Variants in KMT5B observed in about 807,000 individuals in gnomAD.
KMT5B encodes the protein histone-lysine N-methyltransferase KMT5B.
KMT5B carries 10 observed loss-of-function variants against 83.2 expected under a neutral mutation model. That is an observed-to-expected ratio of 0.12 (90% CI 0.07 to 0.20). KMT5B has a LOEUF of 0.20. Ranked by LOEUF, KMT5B falls within the 10% of genes least tolerant of loss-of-function variation. KMT5B has a pLI of 1.00. For synonymous variants in KMT5B, 349 were observed against 388.8 expected (o/e 0.90, Z 1.20); for missense variants, 753 against 1,067.2 (o/e 0.71, Z 4.10).
At chr11:68,183,560 T>C (rs192199176) in intron 3 of KMT5B, among the ~76,000 whole-genome samples, 241 of 152,114 alleles carry the variant, frequency 1.6e-3, no homozygotes, top group Non-Finnish European at 3.2e-3. Context: ...GGTTTCAGCA[T>C]GTTGGCCAGG....
intron 1 of KMT5B, among the ~76,000 whole-genome samples, chr11:68,207,869 T>C (rs898973590): frequency 6.7e-6 from 1 of 149,976 alleles, no homozygotes; most frequent in African/African-American, 2.5e-5. Flanking sequence ...AGACGCTGTC[T>C]CGCTCTATTG....
Position 68,202,738 on chromosome 11 carries a change from G to A in KMT5B, c.-77+10400C>T, listed in dbSNP as rs1331652735. Among the ~76,000 whole-genome samples, 9 of 151,654 alleles carry A rather than the reference G, an allele frequency of 5.9e-5. No individual in the cohort carries two copies. In the East Asian group the frequency reaches 1.2e-3, roughly 20 times the overall value. On this transcript the variant is annotated intron_variant, in intron 1 of 10. Coordinates refer to ENST00000304363, the MANE Select transcript of KMT5B (RefSeq NM_017635.5). ...TAATTTTTGTATTTTTAGTAGACACGGGGTTTCACCATGTTGGTTGGGCTG... is the reference window on the plus strand; with the variant it reads ...TAATTTTTGTATTTTTAGTAGACACAGGGTTTCACCATGTTGGTTGGGCTG...
intron 1 of KMT5B, among the ~76,000 whole-genome samples, chr11:68,209,391 G>A (rs527879316): frequency 3.9e-5 from 6 of 152,112 alleles, no homozygotes; most frequent in Admixed American, 6.6e-5. Context: ...AGTCAGGGAA[G>A]AAAACCAAAC....
intron 9 of KMT5B, among the ~76,000 whole-genome samples, chr11:68,169,028 T>TC (rs1855587922): frequency 6.6e-6 from 1 of 152,230 alleles, no homozygotes; most frequent in Non-Finnish European, 1.5e-5. Context: ...TATGAGAACT[T>TC]CAAGAATATA....
At chr11:68,178,125 C>T (rs1033478474) in intron 4 of KMT5B, among the ~76,000 whole-genome samples, 5 of 152,152 alleles carry the variant, frequency 3.3e-5, no homozygotes, top group African/African-American at 7.2e-5. Flanking sequence ...TTATCCATGC[C>T]GTTAAATGAC....
At chr11:68,174,980 T>C (rs1322723318) in intron 5 of KMT5B, 38 bp downstream of exon 5, 1 of 1,573,896 alleles carries the variant, frequency 6.4e-7, no homozygotes, top group East Asian at 2.2e-5. Flanking sequence ...ACTATTCTTA[T>C]CCAAATAGGT....
intron 1 of KMT5B, among the ~76,000 whole-genome samples, chr11:68,191,293 T>C (rs1858030974): frequency 6.6e-6 from 1 of 151,720 alleles, no homozygotes; most frequent in Admixed American, 6.6e-5. Context: ...CCAAAAGTGC[T>C]GGGATTACAG....
chr11:68,199,901 A>G (rs530614166), intron 1 of KMT5B, among the ~76,000 whole-genome samples: 1 of 152,324 alleles, frequency 6.6e-6, no homozygotes, highest in African/African-American at 2.4e-5. Flanking sequence ...CTGCAAATGA[A>G]GAATGGAATT....
At chr11:68,169,555 C>T (rs1300459437) in intron 9 of KMT5B, among the ~76,000 whole-genome samples, 1 of 152,236 alleles carries the variant, frequency 6.6e-6, no homozygotes, top group Admixed American at 6.5e-5. Flanking sequence ...TGCTATTCTA[C>T]ATGCTTTACA....
Position 68,173,825 on chromosome 11 carries a change from T to C in KMT5B, c.632A>G (p.Lys211Arg). ...NRYSSEQNGA[K>R]IVATKEWKRN... ...TTACCACTCTTTTGTTGCAACTATT[T>C]TGGCTCCATTTTGTTCTGATGAGTA... The change falls in exon 6 of 11, where the codon AAA becomes AGA. Residue 211 changes from lysine (K) to arginine (R), a missense_variant. Lys to Arg is a conservative substitution (Grantham distance 26). Around this residue, in one of 9 missense-constraint regions of KMT5B, gnomAD observed 34 missense variants for 172.5 expected, o/e 0.20. Transcript: ENST00000304363. The C allele has an allele frequency of 6.2e-7, 1 of 1,607,232 alleles. No individual in the cohort carries two copies. The highest frequency in any genetic ancestry group is 8.5e-7 in the Non-Finnish European group (1 of 1,175,920).
intron 1 of KMT5B, among the ~76,000 whole-genome samples, chr11:68,202,401 C>T (rs934888034): frequency 9.9e-5 from 15 of 152,198 alleles, no homozygotes; most frequent in African/African-American, 3.6e-4. Flanking sequence ...TCAGTCCCTG[C>T]CCAACCCCAC....
intron 6 of KMT5B, among the ~76,000 whole-genome samples, chr11:68,172,426 G>A (rs941461091): frequency 1.3e-5 from 2 of 150,956 alleles, no homozygotes; most frequent in African/African-American, 4.9e-5. Flanking sequence ...TACTAGAGAT[G>A]GAGTTTCACC....
chr11:68,198,130 T>C (rs1467532070), intron 1 of KMT5B, among the ~76,000 whole-genome samples: 2 of 152,138 alleles, frequency 1.3e-5, no homozygotes, highest in Admixed American at 1.3e-4. Context: ...GTTGAAAACA[T>C]CCCAGCACTT....
chr11:68,186,396 C>G (rs1210398677), intron 2 of KMT5B, among the ~76,000 whole-genome samples: 1 of 152,190 alleles, frequency 6.6e-6, no homozygotes, highest in Non-Finnish European at 1.5e-5. Flanking sequence ...TGAAGTTCAG[C>G]TTCCTGCTTT....
chr11:68,208,421 C>A (rs1405861108), intron 1 of KMT5B, among the ~76,000 whole-genome samples: 4 of 152,052 alleles, frequency 2.6e-5, no homozygotes. Flanking sequence ...CCACTGCACT[C>A]CAGCCTGGGC....
intron 1 of KMT5B, among the ~76,000 whole-genome samples, chr11:68,201,557 T>C (rs891673360): frequency 5.3e-5 from 8 of 151,930 alleles, no homozygotes; most frequent in African/African-American, 1.9e-4. Context: ...TTTTGCTTAA[T>C]ATCCTAAAAA....
Position 68,155,787 on chromosome 11 carries a change from T to TG in KMT5B, c.*1900dup, listed in dbSNP as rs1164532821. ...TGTGTGGGCTGCCCTACTTCACTGT[T>TG]GAAGACCTCCAGACGCAGTGAACGG... On this transcript the variant is annotated 3_prime_UTR_variant, in exon 11 of 11. Coordinates refer to ENST00000304363, the MANE Select transcript of KMT5B (RefSeq NM_017635.5). 1.3e-5 allele frequency: 2 copies of TG among 152,408 alleles called. No individual in the cohort carries two copies. The highest frequency in any genetic ancestry group is 6.5e-5 in the Admixed American group (1 of 15,294). The allele number at this position is 152,408 out of a possible 1,614,324, so 9.4% of individuals were successfully genotyped here.
intron 1 of KMT5B, among the ~76,000 whole-genome samples, chr11:68,192,133 T>C (rs1858156372): frequency 6.6e-6 from 1 of 152,180 alleles, no homozygotes; most frequent in Non-Finnish European, 1.5e-5. Context: ...CTATGACAAC[T>C]GCATGACAAC....
chr11:68,164,239 T>C (rs1197021706), intron 10 of KMT5B, among the ~76,000 whole-genome samples: 1 of 152,242 alleles, frequency 6.6e-6, no homozygotes, highest in Non-Finnish European at 1.5e-5. Flanking sequence ...GAAATTTTTC[T>C]TCCAACTACT....
Sources: allele counts gnomAD v4.1 joint callset (sites outside exome capture counted in the v4.1 genomes callset), GRCh38; gene constraint gnomAD v4.1.1; regional missense constraint gnomAD v4.1.1; transcripts MANE v1.5; gene names NCBI Gene and HGNC (gene_info 2026-07-23, HGNC 2026-07-21).